UTRN: variants seen among roughly 807,000 people sequenced by gnomAD.
UTRN encodes the protein dystrophin-related protein 1.
Under a neutral mutation model 463.9 loss-of-function variants are expected in UTRN, and 283 were observed. The observed-to-expected ratio is 0.61, with a 90% CI of 0.55 to 0.67. The LOEUF is 0.67. UTRN is among the 30% of genes least tolerant of loss of function. The pLI is 0.00. For missense variants in UTRN, 3,922 were observed against 4,084.3 expected, an observed-to-expected ratio of 0.96 and a Z score of 1.08; for synonymous variants, 1,442 against 1,431.5, an observed-to-expected ratio of 1.01 and a Z score of -0.17.
chr6:144,747,151 T>A (rs993567909), intron 54 of UTRN, among the ~76,000 whole-genome samples: 7 of 152,228 alleles, frequency 4.6e-5, no homozygotes, highest in African/African-American at 1.7e-4. Context: ...TTGGAACATT[T>A]TGAGGTGAAG....
Position 144,450,568 on chromosome 6 carries a change from C to A in UTRN, c.2073-802C>A, listed in dbSNP as rs1788171289. Among the ~76,000 whole-genome samples the A allele has an allele frequency of 2.6e-5, 4 of 152,308 alleles. No homozygotes were observed. The South Asian group carries it at 6.2e-4, about 24-fold the overall frequency. On this transcript the variant is annotated intron_variant, in intron 17 of 74. Transcript: ENST00000367545. ...TTCTTTTGTTATTGCCTGTTACTTT[C>A]CATTGCTTACTAGACTAGAAGCTCC...
intron 9 of UTRN, among the ~76,000 whole-genome samples, chr6:144,433,626 C>A (rs779917274): frequency 5.7e-5 from 8 of 139,498 alleles, no homozygotes. Context: ...ACTTCTCAGA[C>A]GGGGCGGCCG....
intron 2 of UTRN, among the ~76,000 whole-genome samples, chr6:144,338,868 T>C (rs1033104468): frequency 6.6e-6 from 1 of 152,218 alleles, no homozygotes; most frequent in African/African-American, 2.4e-5. Flanking sequence ...CAAGAAAACT[T>C]GAGTTTGACC....
intron 51 of UTRN, among the ~76,000 whole-genome samples, chr6:144,641,611 G>T (rs541834342): frequency 6.6e-6 from 1 of 152,146 alleles, no homozygotes; most frequent in South Asian, 2.1e-4. Flanking sequence ...GGTTAGGGGG[G>T]CATGTAGAGT....
Position 144,771,950 on chromosome 6 carries a change from G to T in UTRN, c.8539G>T (p.Glu2847Ter). The change falls in exon 59 of 75, where the codon GAA becomes TAA. Residue 2847 changes from glutamate to a stop codon, truncating the protein, a stop_gained. Coordinates refer to ENST00000367545, the MANE Select transcript of UTRN (RefSeq NM_007124.3). LOFTEE classifies it high-confidence loss of function. Reference sequence around the variant, plus strand: ...CTGTTGGGACCATCCTAAAATGACCGAACTCTTTCAATCCCTTGGTAAGTG... The same window carrying T: ...CTGTTGGGACCATCCTAAAATGACCTAACTCTTTCAATCCCTTGGTAAGTG... Reference protein sequence around the residue: ...TTCWDHPKMTELFQSLADLNN... With the variant: ...TTCWDHPKMT 6.7e-7 allele frequency: 1 copy of T among 1,496,480 alleles called. No homozygotes were observed. Among genetic ancestry groups the T allele is most frequent in the Non-Finnish European group, 9.0e-7 (1 of 1,110,692 alleles). 92.7% of individuals were successfully genotyped at this position (1,496,480 alleles called of 1,614,324 possible).
chr6:144,451,072 A>G (rs181090600), intron 17 of UTRN, among the ~76,000 whole-genome samples: 40 of 152,320 alleles, frequency 2.6e-4, no homozygotes, highest in African/African-American at 8.9e-4. Context: ...AGATCGTGCC[A>G]TTGCACTCAA....
At chr6:144,840,505 G>T (rs1392705456) in intron 72 of UTRN, among the ~76,000 whole-genome samples, 2 of 152,106 alleles carry the variant, frequency 1.3e-5, no homozygotes, top group African/African-American at 4.8e-5. Flanking sequence ...CTGGTGTGTG[G>T]ATTCTTTCTA....
At chr6:144,394,820 A>T (rs989236313) in intron 2 of UTRN, among the ~76,000 whole-genome samples, 4 of 152,186 alleles carry the variant, frequency 2.6e-5, no homozygotes, top group African/African-American at 9.6e-5. Flanking sequence ...GAGGAAAATA[A>T]TGAAATAAAT....
chr6:144,554,998 T>C, intron 49 of UTRN, 105 bp downstream of exon 49: 1 of 1,333,770 alleles, frequency 7.5e-7, no homozygotes, highest in Non-Finnish European at 1.0e-6. Flanking sequence ...TGTTTTTTCC[T>C]AAGTTCTTAG....
intron 2 of UTRN, among the ~76,000 whole-genome samples, chr6:144,324,991 C>T (rs1447826257): frequency 1.3e-5 from 2 of 152,294 alleles, no homozygotes; most frequent in East Asian, 3.9e-4. Context: ...ACTCTCAGAG[C>T]TTTCCCCTTC....
At chr6:144,742,086 T>TAA (rs11374091) in intron 54 of UTRN, among the ~76,000 whole-genome samples, 3 of 151,592 alleles carry the variant, frequency 2.0e-5, no homozygotes, top group South Asian at 2.1e-4. Context: ...TCTCTTTTCT[T>TAA]AAAAAAAGAA....
intron 53 of UTRN, among the ~76,000 whole-genome samples, chr6:144,726,144 T>TA (rs1787856697): frequency 6.6e-6 from 1 of 152,110 alleles, no homozygotes; most frequent in Non-Finnish European, 1.5e-5. Context: ...TGATACATTA[T>TA]AAAAAACAAA....
chr6:144,480,796 A>G (rs1791776165), intron 26 of UTRN, among the ~76,000 whole-genome samples: 1 of 152,192 alleles, frequency 6.6e-6, no homozygotes, highest in African/African-American at 2.4e-5. Flanking sequence ...CCTCAAAGTT[A>G]ACTTACCTAG....
intron 3 of UTRN, among the ~76,000 whole-genome samples, chr6:144,413,382 C>A (rs1361654304): frequency 6.6e-6 from 1 of 152,114 alleles, no homozygotes; most frequent in African/African-American, 2.4e-5. Context: ...GTTTAATTGA[C>A]CCACAGTTCC....
At chr6:144,630,781 A>G (rs1227143616) in intron 51 of UTRN, among the ~76,000 whole-genome samples, 7 of 152,146 alleles carry the variant, frequency 4.6e-5, no homozygotes, top group African/African-American at 1.7e-4. Flanking sequence ...GTAGTCCTGA[A>G]GATTAGGCTT....
chr6:144,821,090 A>G, intron 66 of UTRN, 72 bp downstream of exon 66: 1 of 1,529,822 alleles, frequency 6.5e-7, no homozygotes. Context: ...TGTTAGTAAC[A>G]CAAGAGAAAT....
chr6:144,825,072 C>CCGAG (rs1363129617), intron 66 of UTRN, among the ~76,000 whole-genome samples: 2 of 152,074 alleles, frequency 1.3e-5, no homozygotes, highest in African/African-American at 4.8e-5. Flanking sequence ...GTATAAGCCA[C>CCGAG]CGAGCCTGGC....
intron 2 of UTRN, among the ~76,000 whole-genome samples, chr6:144,310,746 C>T (rs913695787): frequency 5.3e-5 from 8 of 152,206 alleles, no homozygotes; most frequent in Non-Finnish European, 1.2e-4. Context: ...CTACTGCACG[C>T]CAGCCTGGAT....
intron 13 of UTRN, 21 bp downstream of exon 13, chr6:144,440,492 G>A (rs1787040767): frequency 6.2e-7 from 1 of 1,614,010 alleles, no homozygotes; most frequent in Non-Finnish European, 8.5e-7. Context: ...TGTAAAGTTG[G>A]ATAATCCTGA....
Sources: gnomAD v4.1 joint callset for allele counts (sites outside exome capture counted in the v4.1 genomes callset) on GRCh38, gnomAD v4.1.1 for gene constraint, MANE v1.5 for transcripts, NCBI Gene and HGNC (gene_info 2026-07-23, HGNC 2026-07-21) for gene names.